The following CNTNAP3B variants were observed in gnomAD, a reference collection of about 807,000 sequenced individuals.
CNTNAP3B encodes contactin associated protein family member 3B, also known as contactin-associated protein-like 3B.
In CNTNAP3B, 25 loss-of-function variants were observed where a neutral mutation model predicts 108.9. That is an observed-to-expected ratio of 0.23 (90% CI 0.17 to 0.32). The LOEUF (loss-of-function observed/expected upper bound fraction) is 0.32. Ranked by LOEUF, CNTNAP3B falls within the 10% of genes least tolerant of loss-of-function variation. The probability of loss-of-function intolerance (pLI) is 1.00; values close to 1 mark genes in which losing one functional copy is unlikely to be tolerated. For missense variants in CNTNAP3B, 252 were observed against 1,210.4 expected, an observed-to-expected ratio of 0.21 and a Z score of 11.75; for synonymous variants, 103 against 473.4, an observed-to-expected ratio of 0.22 and a Z score of 10.16.
At chr9:41,924,687 A>T (rs1227512546) in intron 15 of CNTNAP3B, among the ~76,000 whole-genome samples, 1 of 148,506 alleles carries the variant, frequency 6.7e-6, no homozygotes, top group Non-Finnish European at 1.5e-5. Context: ...ACACACACAC[A>T]CACAGTCTTA....
At chr9:42,123,912 T>A (rs1388310568) in intron 1 of CNTNAP3B, among the ~76,000 whole-genome samples, 1 of 123,598 alleles carries the variant, frequency 8.1e-6, no homozygotes, top group Non-Finnish European at 1.7e-5. Flanking sequence ...CAATTGCAAA[T>A]GCTTTAATTG....
chr9:42,119,499 CA>C (rs1390912495), intron 1 of CNTNAP3B, among the ~76,000 whole-genome samples: 2 of 123,306 alleles, frequency 1.6e-5, no homozygotes, highest in Non-Finnish European at 3.4e-5. Context: ...CATATGGAAC[CA>C]AAAAAGAGCC....
chr9:41,930,624 G>A (rs1460345900), intron 14 of CNTNAP3B, among the ~76,000 whole-genome samples: 20 of 152,350 alleles, frequency 1.3e-4, no homozygotes, highest in Non-Finnish European at 7.4e-5. Context: ...GGGAATTGAG[G>A]ACACAGAGTA....
Position 42,113,465 on chromosome 9 carries a change from C to T in CNTNAP3B, c.86-8726G>A, listed in dbSNP as rs1339668937. Among the ~76,000 whole-genome samples the T allele has an allele frequency of 1.4e-5, 2 of 139,222 alleles. 1 individual carries two copies. The highest frequency in any genetic ancestry group is 3.1e-5 in the Non-Finnish European group (2 of 64,932). 91.3% of individuals were successfully genotyped at this position (139,222 alleles called of 152,430 possible). A position where few individuals can be genotyped will look rare whatever the true frequency, so the allele number is the denominator to read the frequency against. ...GAACCTATTTTTTTGAGACTTACTG[C>T]TAAGTAGAAAGAGAGGAAACCAAAT... On this transcript the variant is annotated intron_variant, in intron 1 of 23. Transcript: ENST00000377561.
At chr9:42,049,399 A>C (rs1354633884) in intron 3 of CNTNAP3B, among the ~76,000 whole-genome samples, 2 of 135,320 alleles carry the variant, frequency 1.5e-5, no homozygotes, top group Non-Finnish European at 3.1e-5. Flanking sequence ...CTTTTTTTCC[A>C]GACTCTTTTG....
chr9:42,095,380 TG>T (rs1447153264), intron 2 of CNTNAP3B, among the ~76,000 whole-genome samples: 3 of 139,334 alleles, frequency 2.2e-5, no homozygotes, highest in Non-Finnish European at 4.6e-5. Flanking sequence ...CCCACACCTT[TG>T]ATGTACTTGG....
At chr9:42,086,879 C>A in intron 2 of CNTNAP3B, among the ~76,000 whole-genome samples, 1 of 99,984 alleles carries the variant, frequency 1.0e-5, no homozygotes. Context: ...ATTTACATTC[C>A]CACCAACAAA....
intron 18 of CNTNAP3B, among the ~76,000 whole-genome samples, chr9:41,919,173 C>A (rs1228632127): frequency 6.6e-6 from 1 of 151,974 alleles, no homozygotes; most frequent in African/African-American, 2.4e-5. Flanking sequence ...CTCACTCTGT[C>A]GCCCAGGAGT....
chr9:41,937,641 G>T (rs1286412168), intron 14 of CNTNAP3B, among the ~76,000 whole-genome samples: 2,151 of 133,850 alleles, frequency 0.016, no homozygotes, highest in South Asian at 0.021. Context: ...TCAAAAGAAA[G>T]CTTACAAAAT....
chr9:42,085,299 G>C (rs1237304040), intron 2 of CNTNAP3B, among the ~76,000 whole-genome samples: 3 of 150,284 alleles, frequency 2.0e-5, no homozygotes, highest in Non-Finnish European at 4.4e-5. Flanking sequence ...CCAGTTGTAT[G>C]ACACGTTTAG....
At chr9:42,113,128 A>G (rs1167526102) in intron 1 of CNTNAP3B, among the ~76,000 whole-genome samples, 14 of 136,038 alleles carry the variant, frequency 1.0e-4, no homozygotes, top group Admixed American at 8.8e-4. Flanking sequence ...TATAAGAACT[A>G]TTTAAACATG....
chr9:42,058,261 C>T (rs1328510052), intron 3 of CNTNAP3B, among the ~76,000 whole-genome samples: 59 of 152,268 alleles, frequency 3.9e-4, no homozygotes, highest in Non-Finnish European at 6.8e-4. Context: ...TTTGGTAATT[C>T]TATTTTTGAT....
rs796605020 is a variant in CNTNAP3B at position 41,928,397 on chromosome 9, G to A, written c.2365+920C>T. Reference sequence around the variant, plus strand: ...ATGAGGAGCCCCCAGACAAGGGTCCGGGACTCCTTCATCAAGCAGGAGACA... The same window carrying A: ...ATGAGGAGCCCCCAGACAAGGGTCCAGGACTCCTTCATCAAGCAGGAGACA... On this transcript the variant is annotated intron_variant, in intron 15 of 23. Coordinates refer to ENST00000377561, the MANE Select transcript of CNTNAP3B (RefSeq NM_001201380.3). 2.6e-4 allele frequency among the ~76,000 whole-genome samples: 40 copies of A among 152,124 alleles called. No individual in the cohort carries two copies. In the South Asian group the frequency reaches 4.0e-3, roughly 15 times the overall value.
At chr9:42,121,942 C>A (rs1451039895) in intron 1 of CNTNAP3B, among the ~76,000 whole-genome samples, 1 of 140,050 alleles carries the variant, frequency 7.1e-6, no homozygotes, top group Non-Finnish European at 1.5e-5. Context: ...TACAGCATAG[C>A]AAACAGTATG....
In CNTNAP3B at chr9:42,107,137, C is replaced by G. The variant is rs1434643237; in HGVS notation, c.86-2398G>C. Among the ~76,000 whole-genome samples, 4 of 84,778 alleles carry G rather than the reference C, an allele frequency of 4.7e-5. 1 individual carries two copies. Among genetic ancestry groups the G allele is most frequent in the Non-Finnish European group, 4.8e-5 (2 of 41,634 alleles). 55.6% of individuals were successfully genotyped at this position (84,778 alleles called of 152,430 possible). A position where few individuals can be genotyped will look rare whatever the true frequency, so the allele number is the denominator to read the frequency against. On this transcript the variant is annotated intron_variant, in intron 1 of 23. Transcript: ENST00000377561. ...ATTCCTGGCTGACATGTCTAACTCT[C>G]TCTGTGGAATCATGAGCTCTTGAAG...
intron 3 of CNTNAP3B, among the ~76,000 whole-genome samples, chr9:42,075,319 G>T (rs1490755363): frequency 6.9e-6 from 1 of 144,366 alleles, no homozygotes; most frequent in East Asian, 2.0e-4. Context: ...TATGTCTTTG[G>T]GAAACCACAA....
chr9:41,932,938 C>A (rs1370474217), intron 14 of CNTNAP3B, among the ~76,000 whole-genome samples: 2 of 152,312 alleles, frequency 1.3e-5, no homozygotes, highest in East Asian at 1.9e-4. Context: ...TATCTTCTGG[C>A]CAGTTCAACC....
intron 14 of CNTNAP3B, among the ~76,000 whole-genome samples, chr9:41,932,400 C>A (rs1344867755): frequency 2.0e-5 from 3 of 151,894 alleles, no homozygotes; most frequent in Non-Finnish European, 4.4e-5. Context: ...CTTCTAAAAG[C>A]TACTACTTAT....
chr9:41,995,636 C>T lies in CNTNAP3B; in HGVS notation c.1071+569G>A, dbSNP rs1332273329. Reference sequence around the variant, plus strand: ...GTCCCAGGTACTCGGGAGGCTGAGGCGGGAGAATGGCGTGAACCCAGGAGG... The same window carrying T: ...GTCCCAGGTACTCGGGAGGCTGAGGTGGGAGAATGGCGTGAACCCAGGAGG... On this transcript the variant is annotated intron_variant, in intron 7 of 23. Coordinates refer to ENST00000377561, the MANE Select transcript of CNTNAP3B (RefSeq NM_001201380.3). Among the ~76,000 whole-genome samples the T allele has an allele frequency of 7.3e-5, 9 of 123,364 alleles. No homozygotes were observed. The South Asian group carries it at 8.3e-4, about 11-fold the overall frequency. 80.9% of individuals were successfully genotyped at this position (123,364 alleles called of 152,430 possible).
Sources: gnomAD v4.1 joint callset for allele counts (sites outside exome capture counted in the v4.1 genomes callset) on GRCh38, gnomAD v4.1.1 for gene constraint, MANE v1.5 for transcripts, NCBI Gene and HGNC (gene_info 2026-07-23, HGNC 2026-07-21) for gene names.